PLCH2: variants seen among roughly 807,000 people sequenced by gnomAD.
PLCH2 encodes the protein 1-phosphatidylinositol 4,5-bisphosphate phosphodiesterase eta-2.
In PLCH2, 98 loss-of-function variants were observed where a neutral mutation model predicts 134.7. That is an observed-to-expected ratio of 0.73 (90% CI 0.62 to 0.86). PLCH2 has a LOEUF of 0.86. Ranked by LOEUF, PLCH2 falls within the 40% of genes least tolerant of loss-of-function variation. PLCH2 has a pLI of 0.00. For synonymous variants in PLCH2, 974 were observed against 827.5 expected (o/e 1.18, Z -3.04); for missense variants, 1,994 against 1,986.6 (o/e 1.00, Z -0.07).
intron 2 of PLCH2, among the ~76,000 whole-genome samples, chr1:2,456,823 C>A (rs1251486639): frequency 2.6e-5 from 4 of 152,158 alleles, no homozygotes; most frequent in Non-Finnish European, 5.9e-5. Flanking sequence ...TCTGCCCCTT[C>A]TAGGGCCAGC....
In PLCH2 at chr1:2,439,916, C is replaced by G. The variant is rs1639610132; in HGVS notation, c.115+9287C>G. Among the ~76,000 whole-genome samples, 1 of 152,128 alleles carries G rather than the reference C, an allele frequency of 6.6e-6. No homozygotes were observed. The highest frequency in any genetic ancestry group is 1.5e-5 in the Non-Finnish European group (1 of 68,014). On this transcript the variant is annotated intron_variant, in intron 2 of 3. Transcript: ENST00000609981. This position sits in a 1 kb window ranked among gnomAD's most constrained non-coding sequence, Gnocchi z 4.7. ...TTAATGTGAAGGGCAGACTCAAAAT[C>G]AGGGCAAGGTCATGTCCGGGACACT...
the PLCH2 span, among the ~76,000 whole-genome samples, chr1:2,418,190 C>T: frequency 1.3e-5 from 2 of 152,154 alleles, no homozygotes; most frequent in African/African-American, 4.8e-5. Context: ...TGTCTTCAGC[C>T]CCATAGCTAG....
intron 2 of PLCH2, among the ~76,000 whole-genome samples, chr1:2,456,382 T>TG (rs1229547563): frequency 6.6e-6 from 1 of 152,176 alleles, no homozygotes; most frequent in African/African-American, 2.4e-5. Flanking sequence ...GGGGCGGCCC[T>TG]GGGGGGCGGG....
upstream of PLCH2, among the ~76,000 whole-genome samples, chr1:2,471,491 C>T (rs1352011515): frequency 6.6e-6 from 1 of 152,250 alleles, no homozygotes; most frequent in East Asian, 1.9e-4. Flanking sequence ...GCTTTGGACA[C>T]CTGTGACCAT....
chr1:2,480,156 G>A (rs370560182), intron 3 of PLCH2, 27 bp from the exon 4 acceptor site: 26 of 1,611,784 alleles, frequency 1.6e-5, no homozygotes, highest in African/African-American at 1.2e-4. Flanking sequence ...CCCATGGATC[G>A]CTGTTGGCCC....
intron 20 of PLCH2, 154 bp downstream of exon 20, chr1:2,499,874 G>C: frequency 1.5e-6 from 1 of 652,962 alleles, no homozygotes; most frequent in Non-Finnish European, 2.8e-6. Context: ...ATCTCAAGAG[G>C]GGCTGCTGTG....
intron 2 of PLCH2, among the ~76,000 whole-genome samples, chr1:2,438,926 C>G (rs375768381): frequency 6.6e-6 from 1 of 152,210 alleles, no homozygotes; most frequent in Non-Finnish European, 1.5e-5. Context: ...TGCCCCACTT[C>G]GCCGGCGTGG....
chr1:2,474,375 G>A (rs541952355), upstream of PLCH2, among the ~76,000 whole-genome samples: 33 of 140,054 alleles, frequency 2.4e-4, no homozygotes, highest in South Asian at 3.2e-3. Flanking sequence ...GGCAGCCCCC[G>A]GCAGAGGCCT....
intron 2 of PLCH2, among the ~76,000 whole-genome samples, chr1:2,455,883 A>C (rs966460992): frequency 6.6e-6 from 1 of 152,114 alleles, no homozygotes; most frequent in Admixed American, 6.5e-5. Flanking sequence ...GGTGGAGGTG[A>C]GCATCCCGCG....
intron 1 of PLCH2, among the ~76,000 whole-genome samples, chr1:2,477,156 C>T (rs1345850765): frequency 6.6e-6 from 1 of 152,082 alleles, no homozygotes; most frequent in African/African-American, 2.4e-5. Flanking sequence ...GAGTGTGTGT[C>T]TTGTGGTGGC....
At chr1:2,454,604 C>A (rs2100566486) in intron 2 of PLCH2, among the ~76,000 whole-genome samples, 1 of 152,226 alleles carries the variant, frequency 6.6e-6, no homozygotes, top group South Asian at 2.1e-4. Context: ...TGCCTGGGAC[C>A]CTGCAGGGCC....
At chr1:2,452,143 G>A (rs1640265747) in intron 2 of PLCH2, among the ~76,000 whole-genome samples, 1 of 152,162 alleles carries the variant, frequency 6.6e-6, no homozygotes, top group Admixed American at 6.5e-5. Context: ...TGCTGAGCCT[G>A]GAACCACGGT....
At chr1:2,441,728 C>T (rs1021128300) in intron 2 of PLCH2, among the ~76,000 whole-genome samples, 3 of 152,118 alleles carry the variant, frequency 2.0e-5, no homozygotes, top group Admixed American at 6.5e-5. Context: ...TCCCGTGGGC[C>T]AGTGTGGCCA....
chr1:2,499,125 C>T lies in PLCH2; in HGVS notation c.2476C>T (p.His826Tyr), dbSNP rs1643067722. Residue 826 changes from histidine to tyrosine, a missense_variant, in exon 19 of 22, where the codon CAC becomes TAC. By Grantham distance (83) the His-to-Tyr change is moderately conservative. Transcript: ENST00000378486. ...TWEETLVFMV[H>Y]MPEIALVRFL... is the part of the protein sequence containing the mutation. ...GGAGGAGACCCTGGTTTTCATGGTG[C>T]ACATGCCGGAGATCGCGCTGGTCCG... is the stretch of plus-strand genomic sequence containing the variant. 1 of 1,612,374 alleles carries T rather than the reference C, an allele frequency of 6.2e-7. No homozygotes were observed. Among genetic ancestry groups the T allele is most frequent in the African/African-American group, 1.3e-5 (1 of 74,908 alleles).
chr1:2,455,621 G>C (rs962976906), intron 2 of PLCH2, among the ~76,000 whole-genome samples: 1 of 152,206 alleles, frequency 6.6e-6, no homozygotes, highest in Non-Finnish European at 1.5e-5. Flanking sequence ...GCCGACGCTT[G>C]TTCCCTGGGG....
chr1:2,490,433 T>TG (rs549223075), intron 10 of PLCH2, among the ~76,000 whole-genome samples: 6 of 151,656 alleles, frequency 4.0e-5, no homozygotes, highest in Non-Finnish European at 8.8e-5. Flanking sequence ...AGGGCCAGGG[T>TG]GGGGGGCTGC....
Position 2,498,648 on chromosome 1 carries a change from G to T in PLCH2, c.2349+1G>T. On this transcript the variant is annotated splice_donor_variant, in intron 17 of 21. Coordinates refer to ENST00000378486, the MANE Select transcript of PLCH2 (RefSeq NM_014638.4). LOFTEE classifies it high-confidence loss of function. The surrounding 1 kb of genome is among the most constrained non-coding windows in gnomAD (Gnocchi z 5.4). ...CTCCATGCTGGGGGACCGTGGGGAG[G>T]TGGGGGCCAGCCCCACACAGGCGGG... 1 of 1,549,244 alleles carries T rather than the reference G, an allele frequency of 6.5e-7. No individual in the cohort carries two copies. Among genetic ancestry groups the T allele is most frequent in the Non-Finnish European group, 8.7e-7 (1 of 1,146,890 alleles).
At chr1:2,466,577 C>A (rs148267721), upstream of PLCH2, among the ~76,000 whole-genome samples, 42 of 152,216 alleles carry the variant, frequency 2.8e-4, no homozygotes, top group Non-Finnish European at 3.8e-4. Flanking sequence ...TCCTCCTGCC[C>A]GGGCCTGCGT....
intron 21 of PLCH2, chr1:2,502,930 C>A (rs965565985): frequency 8.4e-6 from 6 of 717,098 alleles, no homozygotes; most frequent in Non-Finnish European, 1.6e-5. Context: ...TCTTGCCCTG[C>A]GTGGTCCTCC....
Sources: gnomAD v4.1 joint callset for allele counts (sites outside exome capture counted in the v4.1 genomes callset) on GRCh38, gnomAD v4.1.1 for gene constraint, Gnocchi (gnomAD v3.1) non-coding constraint, MANE v1.5 for transcripts, NCBI Gene and HGNC (gene_info 2026-07-23, HGNC 2026-07-21) for gene names.